The following CASKIN1 variants were observed in gnomAD, a reference collection of about 807,000 sequenced individuals.
The protein encoded by CASKIN1 is CASK interacting protein 1.
A neutral mutation model predicts 117.5 loss-of-function variants in CASKIN1; 42 were observed. The observed-to-expected ratio is 0.36, with a 90% CI of 0.28 to 0.46. The LOEUF is 0.46. Among genes scored for constraint, CASKIN1 ranks in the 20% least tolerant of loss-of-function variants. The pLI is 1.00. For missense variants in CASKIN1, 2,083 were observed against 2,077.3 expected (o/e 1.00, Z -0.05); for synonymous variants, 1,148 against 961.7 (o/e 1.19, Z -3.59).
In CASKIN1 at chr16:2,180,497, C is replaced by G; in HGVS notation, c.2871G>C (p.Leu957=). 1.3e-6 allele frequency: 2 copies of G among 1,549,974 alleles called. No individual in the cohort carries two copies. Among genetic ancestry groups the G allele is most frequent in the Non-Finnish European group, 1.7e-6 (2 of 1,153,938 alleles). ...GCTCATCCGCCAGGTTGGCACTAGCCAGGGCCGAGCTGGAGCGCTTGGGTG... is the reference window on the plus strand; with the variant it reads ...GCTCATCCGCCAGGTTGGCACTAGCGAGGGCCGAGCTGGAGCGCTTGGGTG... ...PPPPKRSSSA[L]ASANLADEPV... Residue 957 remains leucine, a synonymous_variant, in exon 18 of 20, where the codon CTG becomes CTC. Transcript: ENST00000343516.
chr16:2,192,696 C>G (rs780257983), intron 1 of CASKIN1, among the ~76,000 whole-genome samples: 1 of 152,192 alleles, frequency 6.6e-6, no homozygotes, highest in Admixed American at 6.5e-5. Context: ...CTGCCCGCCC[C>G]GCAGCTGCTG....
At chr16:2,185,870 T>C (rs867870859) in intron 10 of CASKIN1, among the ~76,000 whole-genome samples, 2 of 152,368 alleles carry the variant, frequency 1.3e-5, no homozygotes, top group Non-Finnish European at 2.9e-5. Flanking sequence ...CCTGGCCTAG[T>C]CCCTCTCCTC....
chr16:2,184,735 T>C, intron 14 of CASKIN1, 42 bp downstream of exon 14: 1 of 1,440,726 alleles, frequency 6.9e-7, no homozygotes, highest in Non-Finnish European at 9.1e-7. Flanking sequence ...CCTTACAGCC[T>C]CTCCCCGGAG....
rs2093150535 is a variant in CASKIN1, at chr16:2,178,332, T to A, written c.*218A>T. ...CAGGTATTGCACGGGGAGCAGCAGGTGGGGAGGACCCGCGGGCGCAGGGTC... is the reference window on the plus strand; with the variant it reads ...CAGGTATTGCACGGGGAGCAGCAGGAGGGGAGGACCCGCGGGCGCAGGGTC... On this transcript the variant is annotated 3_prime_UTR_variant, in exon 20 of 20. Transcript: ENST00000343516. 4.5e-6 allele frequency: 2 copies of A among 445,492 alleles called. No individual in the cohort carries two copies. Among genetic ancestry groups the A allele is most frequent in the Admixed American group, 4.4e-5 (1 of 22,710 alleles). 27.6% of individuals were successfully genotyped at this position (445,492 alleles called of 1,614,324 possible). A position where few individuals can be genotyped will look rare whatever the true frequency, so the allele number is the denominator to read the frequency against.
Position 2,181,449 on chromosome 16 carries a change from G to A in CASKIN1, c.1919C>T (p.Thr640Ile), listed in dbSNP as rs1420394368. The A allele has an allele frequency of 2.5e-6, 4 of 1,612,214 alleles. No homozygotes were observed. The highest frequency in any genetic ancestry group is 1.6e-4 in the Middle Eastern group (1 of 6,080). ...TTTAGGGGACTGGCAGTCGGCCGGT[G>A]TGGGCTCAGGCGGGGGCGGCGACTC... ...AIESPPPPEPTPADCQSPKMT... is the reference protein window; with the variant it reads ...AIESPPPPEPIPADCQSPKMT... The change falls in exon 18 of 20, where the codon ACA (threonine) becomes ATA (isoleucine). Residue 640 changes from threonine to isoleucine, a missense_variant. Thr to Ile is a moderately conservative substitution (Grantham distance 89). Transcript: ENST00000343516.
chr16:2,186,660 C>A (rs749727288), intron 10 of CASKIN1, 47 bp downstream of exon 10: 1 of 1,545,870 alleles, frequency 6.5e-7, no homozygotes, highest in Non-Finnish European at 8.9e-7. Context: ...TTCCAGCCCC[C>A]AAGCCCAGGG....
intron 6 of CASKIN1, among the ~76,000 whole-genome samples, chr16:2,188,208 A>T (rs1391596857): frequency 1.3e-5 from 2 of 151,660 alleles, no homozygotes; most frequent in Middle Eastern, 3.2e-3. Context: ...AAAAGTAGAG[A>T]TGGGGTCTCT....
At chr16:2,189,703 C>A in intron 3 of CASKIN1, 139 bp from the exon 4 acceptor site, 1 of 842,624 alleles carries the variant, frequency 1.2e-6, no homozygotes, top group Non-Finnish European at 1.8e-6. Context: ...ACTTCTGACA[C>A]CAAGCCCAAC....
At chr16:2,185,641 G>T (rs1376051227) in intron 10 of CASKIN1, among the ~76,000 whole-genome samples, 1 of 152,258 alleles carries the variant, frequency 6.6e-6, no homozygotes, top group Non-Finnish European at 1.5e-5. Flanking sequence ...GGTCCTGTGG[G>T]CAGGGGGCCA....
chr16:2,189,776 A>G (rs2093195800), intron 3 of CASKIN1, among the ~76,000 whole-genome samples: 1 of 130,900 alleles, frequency 7.6e-6, no homozygotes, highest in African/African-American at 3.0e-5. Flanking sequence ...CAACCCTGGG[A>G]GGTGGGAATG....
chr16:2,177,207 G>A lies in CASKIN1; in HGVS notation c.*1343C>T, dbSNP rs1389344099. 1.6e-5 allele frequency: 4 copies of A among 244,820 alleles called. No individual in the cohort carries two copies. The highest frequency in any genetic ancestry group is 2.2e-5 in the African/African-American group (1 of 45,480). The allele number at this position is 244,820 out of a possible 1,614,324, so 15.2% of individuals were successfully genotyped here. ...TGTTTCCTGCTGTTTATTGACAGCC[G>A]ACGGCAGCGCCTTGCCCAGACCTCC... On this transcript the variant is annotated 3_prime_UTR_variant, in exon 20 of 20. Transcript: ENST00000343516.
chr16:2,195,529 G>A (rs2093213236), intron 1 of CASKIN1, among the ~76,000 whole-genome samples: 1 of 152,238 alleles, frequency 6.6e-6, no homozygotes, highest in African/African-American at 2.4e-5. Flanking sequence ...CCCCAGGGAG[G>A]CTACGCGCTG....
Position 2,179,657 on chromosome 16 carries a change from G to T in CASKIN1, c.3711C>A (p.Pro1237=). The change falls in exon 18 of 20, where the codon CCC becomes CCA. Residue 1237 remains proline, a synonymous_variant. Transcript: ENST00000343516. The surrounding 1 kb of genome is among the most constrained non-coding windows in gnomAD (Gnocchi z 5.8). Reference sequence around the variant, plus strand: ...TGGGTGTGGGCGAGCCCTGGAGCTTGGGCACAGGCTGCGTCAGGACGGGCT... The same window carrying T: ...TGGGTGTGGGCGAGCCCTGGAGCTTTGGCACAGGCTGCGTCAGGACGGGCT... ...SPKPVLTQPV[P]KLQGSPTPTS... The T allele has an allele frequency of 6.6e-7, 1 of 1,506,998 alleles. No individual in the cohort carries two copies. Among genetic ancestry groups the T allele is most frequent in the African/African-American group, 1.4e-5 (1 of 71,354 alleles). 93.4% of individuals were successfully genotyped at this position (1,506,998 alleles called of 1,614,324 possible).
intron 9 of CASKIN1, 34 bp from the exon 10 acceptor site, chr16:2,186,858 G>A: frequency 1.9e-6 from 3 of 1,606,994 alleles, no homozygotes; most frequent in Non-Finnish European, 2.6e-6. Flanking sequence ...TCAGGGAGAT[G>A]CCCCCTTTCG....
At chr16:2,195,461 T>C (rs1182343128) in intron 1 of CASKIN1, among the ~76,000 whole-genome samples, 1 of 152,218 alleles carries the variant, frequency 6.6e-6, no homozygotes, top group Non-Finnish European at 1.5e-5. Context: ...GACACGGCTA[T>C]ACGTGCGCAG....
At position 2,181,292 on chromosome 16, in the gene CASKIN1, C is replaced by T; in HGVS notation, c.2076G>A (p.Gln692=). Residue 692 remains glutamine, a synonymous_variant, in exon 18 of 20, where the codon CAG becomes CAA. Transcript: ENST00000343516. ...LPPTPRATTR[Q]DSSLGGRARH... Reference sequence around the variant, plus strand: ...GTGCCCGACCACCCAGGCTGGAGTCCTGCCGCGTGGTGGCCCTCGGGGTGG... The same window carrying T: ...GTGCCCGACCACCCAGGCTGGAGTCTTGCCGCGTGGTGGCCCTCGGGGTGG... 6.2e-7 allele frequency: 1 copy of T among 1,603,002 alleles called. No homozygotes were observed. Among genetic ancestry groups the T allele is most frequent in the East Asian group, 2.2e-5 (1 of 44,778 alleles).
chr16:2,189,573 C>A lies in CASKIN1; in HGVS notation c.245-9G>T, dbSNP rs370474395. ...GTGCAGCGGCCGCATGCCTGGGGGG[C>A]GAGGGGATGCTGGGAGCTGACCCTT... On this transcript the variant is annotated splice_polypyrimidine_tract_variant and intron_variant, in intron 3 of 19. Coordinates refer to ENST00000343516, the MANE Select transcript of CASKIN1 (RefSeq NM_020764.4). 4.4e-6 allele frequency: 7 copies of A among 1,591,466 alleles called. No homozygotes were observed. Among genetic ancestry groups the A allele is most frequent in the Non-Finnish European group, 3.4e-6 (4 of 1,171,126 alleles).
chr16:2,189,285 A>C lies in CASKIN1; in HGVS notation c.439T>G (p.Ser147Ala), dbSNP rs765765671. 6 of 1,613,094 alleles carry C rather than the reference A, an allele frequency of 3.7e-6. No individual in the cohort carries two copies. The African/African-American group carries it at 8.0e-5, about 22-fold the overall frequency. ...GCCAGGTCCAGGGGCGTCTTCCCCG[A>C]GTTGTCCACCATGCACGGGTTAGAC... ...HQSNPCMVDN[S>A]GKTPLDLACE... Residue 147 changes from serine to alanine, a missense_variant, in exon 5 of 20, where the codon TCG (serine) becomes GCG (alanine). By Grantham distance (99) the Ser-to-Ala change is moderately conservative (BLOSUM62 1). Coordinates refer to ENST00000343516, the MANE Select transcript of CASKIN1 (RefSeq NM_020764.4).
chr16:2,180,533 G>A lies in CASKIN1; in HGVS notation c.2835C>T (p.Pro945=), dbSNP rs1310251497. The stretch of plus-strand genomic sequence containing the variant: ...TGGAGCGCTTGGGTGGGGGCGGCGG[G>A]GGCCCCTTCTTTCGGGGCCGCACGG... ...SFAVRPRKKG[P]PPPPPKRSSS... Residue 945 remains proline (P), a synonymous_variant, in exon 18 of 20, where the codon CCC becomes CCT. Transcript: ENST00000343516. 1 of 1,546,702 alleles carries A rather than the reference G, an allele frequency of 6.5e-7. No homozygotes were observed. Among genetic ancestry groups the A allele is most frequent in the South Asian group, 1.2e-5 (1 of 84,986 alleles).
Sources: allele counts gnomAD v4.1 joint callset (sites outside exome capture counted in the v4.1 genomes callset), GRCh38; gene constraint gnomAD v4.1.1; non-coding constraint Gnocchi (gnomAD v3.1); transcripts MANE v1.5; gene names NCBI Gene and HGNC (gene_info 2026-07-23, HGNC 2026-07-21).